FAM13A: variants seen among roughly 807,000 people sequenced by gnomAD.
FAM13A encodes family with sequence similarity 13 member A, also known as protein FAM13A.
In FAM13A, 76 loss-of-function variants were observed where a neutral mutation model predicts 129.6. That is an observed-to-expected ratio of 0.59 (90% CI 0.49 to 0.71). The LOEUF (loss-of-function observed/expected upper bound fraction) is 0.71, where lower values mean the gene tolerates loss of function less well. FAM13A is among the 30% of genes least tolerant of loss of function. The pLI, the probability that FAM13A is intolerant of heterozygous loss-of-function variation, is 0.00. For synonymous variants in FAM13A, 443 were observed against 449.9 expected (o/e 0.98, Z 0.20); for missense variants, 1,108 against 1,249.3 (o/e 0.89, Z 1.70).
intron 1 of FAM13A, among the ~76,000 whole-genome samples, chr4:89,043,314 G>T (rs987873029): frequency 1.3e-5 from 2 of 152,116 alleles, no homozygotes; most frequent in African/African-American, 2.4e-5. Flanking sequence ...ACCTTGGGAG[G>T]CAAGTTTATG....
intron 6 of FAM13A, among the ~76,000 whole-genome samples, chr4:88,876,516 T>C (rs4693973): frequency 6.6e-6 from 1 of 151,960 alleles, no homozygotes; most frequent in Admixed American, 6.5e-5. Context: ...TTCTTATTGG[T>C]CATTCTGTTC....
At chr4:88,777,828 CT>C (rs1722077082) in intron 11 of FAM13A, among the ~76,000 whole-genome samples, 1 of 152,192 alleles carries the variant, frequency 6.6e-6, no homozygotes, top group African/African-American at 2.4e-5. Context: ...CCTATTCTTA[CT>C]AAGATCACCA....
At chr4:88,920,275 G>A (rs1019541051) in intron 5 of FAM13A, among the ~76,000 whole-genome samples, 3 of 152,164 alleles carry the variant, frequency 2.0e-5, no homozygotes, top group South Asian at 2.1e-4. Context: ...CCTGACCCCC[G>A]AGCAGCCTAA....
At chr4:89,044,768 C>T (rs1353751421) in intron 1 of FAM13A, among the ~76,000 whole-genome samples, 1 of 151,958 alleles carries the variant, frequency 6.6e-6, no homozygotes, top group Non-Finnish European at 1.5e-5. Flanking sequence ...CTGACACATG[C>T]TACAAGATGG....
chr4:88,933,016 A>C (rs4693978), intron 5 of FAM13A, among the ~76,000 whole-genome samples: 85,261 of 151,928 alleles, frequency 0.56, 24,042 homozygotes, highest in Admixed American at 0.59. Context: ...ATTACTTCCC[A>C]CAATCAAATA....
intron 6 of FAM13A, among the ~76,000 whole-genome samples, chr4:88,876,827 G>A (rs368980218): frequency 4.6e-5 from 7 of 152,064 alleles, no homozygotes; most frequent in South Asian, 2.1e-4. Context: ...TCCTGACCTC[G>A]TGATCCACCC....
intron 2 of FAM13A, 33 bp downstream of exon 2, chr4:89,029,427 A>G: frequency 6.5e-7 from 1 of 1,547,032 alleles, no homozygotes; most frequent in Non-Finnish European, 8.8e-7. Flanking sequence ...AGGGACTGTG[A>G]AAATGAACAG....
intron 7 of FAM13A, among the ~76,000 whole-genome samples, chr4:88,840,981 T>G (rs1199757587): frequency 2.0e-5 from 3 of 151,496 alleles, no homozygotes; most frequent in Non-Finnish European, 4.4e-5. Context: ...ATGTAAAAAC[T>G]AACTCAAAAT....
intron 7 of FAM13A, among the ~76,000 whole-genome samples, chr4:88,845,064 T>C (rs1736419186): frequency 6.6e-6 from 1 of 151,878 alleles, no homozygotes; most frequent in African/African-American, 2.4e-5. Context: ...CAAAAATGAA[T>C]CCAGTACATT....
chr4:88,822,004 G>T (rs1280188162), intron 7 of FAM13A, among the ~76,000 whole-genome samples: 1 of 151,826 alleles, frequency 6.6e-6, no homozygotes, highest in Non-Finnish European at 1.5e-5. Flanking sequence ...TTTGTGGCAT[G>T]GTTTTTAAAA....
At chr4:88,953,869 T>A (rs1475909162) in intron 4 of FAM13A, among the ~76,000 whole-genome samples, 3 of 152,216 alleles carry the variant, frequency 2.0e-5, no homozygotes, top group Non-Finnish European at 2.9e-5. Flanking sequence ...ACATTTGGGT[T>A]GCTTCCACCT....
intron 6 of FAM13A, among the ~76,000 whole-genome samples, chr4:88,882,181 A>G (rs530523388): frequency 6.6e-6 from 1 of 152,266 alleles, no homozygotes; most frequent in Admixed American, 6.5e-5. Flanking sequence ...ACATAATCAT[A>G]AGGTAATCTA....
intron 4 of FAM13A, chr4:88,990,719 T>C (rs1762823731): frequency 2.8e-6 from 1 of 351,394 alleles, no homozygotes; most frequent in Non-Finnish European, 5.1e-6. Context: ...AATTAAAATA[T>C]AACTTATTTC....
chr4:88,911,587 T>A (rs1451015864), intron 5 of FAM13A, among the ~76,000 whole-genome samples: 1 of 152,142 alleles, frequency 6.6e-6, no homozygotes, highest in Admixed American at 6.5e-5. Context: ...AATCATTCAA[T>A]CCTCTCTGCC....
intron 1 of FAM13A, among the ~76,000 whole-genome samples, chr4:89,038,672 T>C (rs995502440): frequency 6.6e-6 from 1 of 152,184 alleles, no homozygotes; most frequent in African/African-American, 2.4e-5. Context: ...GTATTAAAAA[T>C]CTCTGAATCT....
intron 7 of FAM13A, among the ~76,000 whole-genome samples, chr4:88,846,666 A>G (rs368713194): frequency 6.6e-6 from 1 of 152,208 alleles, no homozygotes; most frequent in East Asian, 1.9e-4. Context: ...GTATTTGTTT[A>G]AACAGTATTA....
At chr4:88,899,142 A>T (rs1746847862) in intron 6 of FAM13A, among the ~76,000 whole-genome samples, 1 of 151,984 alleles carries the variant, frequency 6.6e-6, no homozygotes, top group Admixed American at 6.6e-5. Context: ...ATACGTATAT[A>T]TATGATGAAA....
At chr4:88,885,029 C>T (rs1744183847) in intron 6 of FAM13A, among the ~76,000 whole-genome samples, 1 of 152,118 alleles carries the variant, frequency 6.6e-6, no homozygotes. Context: ...AACACATCCT[C>T]TTCTCTTGGA....
intron 4 of FAM13A, among the ~76,000 whole-genome samples, chr4:88,971,689 T>A (rs1023265629): frequency 1.3e-5 from 2 of 152,078 alleles, no homozygotes; most frequent in African/African-American, 2.4e-5. Flanking sequence ...ATTCTTTACT[T>A]TTAAGAGACA....
Sources: allele counts gnomAD v4.1 joint callset (sites outside exome capture counted in the v4.1 genomes callset), GRCh38; gene constraint gnomAD v4.1.1; transcripts MANE v1.5; gene names NCBI Gene and HGNC (gene_info 2026-07-23, HGNC 2026-07-21).